Variants in SNRNP27 observed in about 807,000 individuals in gnomAD.
SNRNP27 encodes small nuclear ribonucleoprotein U4/U6.U5 subunit 27.
A neutral mutation model predicts 25.1 loss-of-function variants in SNRNP27; 22 were observed. That is an observed-to-expected ratio of 0.88 (90% CI 0.63 to 1.25). The LOEUF (loss-of-function observed/expected upper bound fraction) is 1.25. SNRNP27 is among the 50% of genes most tolerant of loss of function. SNRNP27 has a pLI of 0.00. For synonymous variants in SNRNP27, 66 were observed against 64.9 expected, an observed-to-expected ratio of 1.02 and a Z score of -0.08; for missense variants, 150 against 202.3, an observed-to-expected ratio of 0.74 and a Z score of 1.57.
At chr2:69,899,039 T>C (rs1377991586) in intron 4 of SNRNP27, among the ~76,000 whole-genome samples, 1 of 152,222 alleles carries the variant, frequency 6.6e-6, no homozygotes, top group Non-Finnish European at 1.5e-5. Flanking sequence ...TTTTTGGTTT[T>C]CCTGTTGCTG....
intron 4 of SNRNP27, among the ~76,000 whole-genome samples, chr2:69,899,279 A>G (rs1260504974): frequency 6.6e-6 from 1 of 152,232 alleles, no homozygotes; most frequent in Non-Finnish European, 1.5e-5. Context: ...GCTATCAGTT[A>G]TAACGTCAGC....
chr2:69,900,648 A>G (rs1676677015), intron 4 of SNRNP27, among the ~76,000 whole-genome samples: 1 of 152,236 alleles, frequency 6.6e-6, no homozygotes, highest in South Asian at 2.1e-4. Context: ...CTACACAGAT[A>G]GGCTAATCTT....
rs1676764569 is a variant in SNRNP27, at chr2:69,904,712, C to T, written c.*404C>T. On this transcript the variant is annotated 3_prime_UTR_variant, in exon 6 of 6. Coordinates refer to ENST00000244227, the MANE Select transcript of SNRNP27 (RefSeq NM_006857.3). ...TTTATTACTAAAGAATCTCCCCAGA[C>T]ATTTTCTTTTTTTTTTCACACATAG... is the stretch of plus-strand genomic sequence containing the variant. The T allele has an allele frequency of 4.4e-6, 1 of 226,928 alleles. No homozygotes were observed. Among genetic ancestry groups the T allele is most frequent in the Non-Finnish European group, 8.5e-6 (1 of 117,930 alleles). 14.1% of individuals were successfully genotyped at this position (226,928 alleles called of 1,614,324 possible). A position where few individuals can be genotyped will look rare whatever the true frequency, so the allele number is the denominator to read the frequency against.
intron 2 of SNRNP27, 88 bp from the exon 3 acceptor site, chr2:69,896,348 T>C: frequency 1.6e-6 from 2 of 1,230,428 alleles, no homozygotes; most frequent in East Asian, 2.3e-5. Flanking sequence ...CTCGTGGTTC[T>C]GTGGAGCTCA....
chr2:69,904,228 CA>C, intron 5 of SNRNP27, 25 bp from the exon 6 acceptor site: 1 of 1,515,814 alleles, frequency 6.6e-7, no homozygotes, highest in South Asian at 1.2e-5. Context: ...TAAAAAAAAA[CA>C]ATGAATTTTC....
chr2:69,904,662 T>C lies in SNRNP27; in HGVS notation c.*354T>C, dbSNP rs532024600. The C allele has an allele frequency of 7.6e-5, 28 of 370,114 alleles. No individual in the cohort carries two copies. The highest frequency in any genetic ancestry group is 4.6e-4 in the African/African-American group (22 of 47,548). The allele number at this position is 370,114 out of a possible 1,614,324, so 22.9% of individuals were successfully genotyped here. On this transcript the variant is annotated 3_prime_UTR_variant, in exon 6 of 6. Coordinates refer to ENST00000244227, the MANE Select transcript of SNRNP27 (RefSeq NM_006857.3). ...AGTTTATCCAATAAAGCAGTATTTCTACCCTTTTAGATTTGATAAATATTT... is the reference window on the plus strand; with the variant it reads ...AGTTTATCCAATAAAGCAGTATTTCCACCCTTTTAGATTTGATAAATATTT...
rs766648206 is a variant in SNRNP27, at chr2:69,904,235, T to G, written c.414-19T>G. ...TATAGGATTAAAAAAAAACAATGAA[T>G]TTTCTCTTCTCATCATAGGCAGTAC... On this transcript the variant is annotated intron_variant, in intron 5 of 5. Transcript: ENST00000244227. The G allele has an allele frequency of 4.5e-6, 7 of 1,561,608 alleles. No individual in the cohort carries two copies. The highest frequency in any genetic ancestry group is 6.1e-6 in the Non-Finnish European group (7 of 1,155,766).
In SNRNP27 at chr2:69,896,423, T is replaced by G; in HGVS notation, c.156-13T>G. On this transcript the variant is annotated splice_polypyrimidine_tract_variant and intron_variant, in intron 2 of 5. Transcript: ENST00000244227. ...GTCTGTCTGTTTCTAACATCTTTGC[T>G]TATAAATATTAGATCTCCAAGACGA... The G allele has an allele frequency of 6.2e-7, 1 of 1,609,770 alleles. No individual in the cohort carries two copies. The highest frequency in any genetic ancestry group is 8.5e-7 in the Non-Finnish European group (1 of 1,177,746).
rs1676770223 is a variant in SNRNP27 at position 69,904,916 on chromosome 2, A to G, written c.*608A>G. ...ATCTCAGAGAAAACAAAAGTAAAAG[A>G]AAAGCAGAAAATCACCTGTTATCTA... On this transcript the variant is annotated 3_prime_UTR_variant, in exon 6 of 6. Transcript: ENST00000244227. 6.6e-6 allele frequency: 1 copy of G among 152,120 alleles called. No individual in the cohort carries two copies. Among genetic ancestry groups the G allele is most frequent in the African/African-American group, 2.4e-5 (1 of 41,384 alleles). The allele number at this position is 152,120 out of a possible 1,614,324, so 9.4% of individuals were successfully genotyped here. A position where few individuals can be genotyped will look rare whatever the true frequency, so the allele number is the denominator to read the frequency against.
chr2:69,902,068 CTG>C (rs1228231791), intron 4 of SNRNP27, among the ~76,000 whole-genome samples: 1 of 152,154 alleles, frequency 6.6e-6, no homozygotes, highest in East Asian at 1.9e-4. Flanking sequence ...AGTACATACA[CTG>C]TGAATGTTTG....
At chr2:69,902,650 TCTGCTTCTTCTG>T (rs777508671) in intron 4 of SNRNP27, among the ~76,000 whole-genome samples, 4 of 149,870 alleles carry the variant, frequency 2.7e-5, no homozygotes, top group Middle Eastern at 3.4e-3. Context: ...TTCTTTTGCT[TCTGCTTCTTCTG>T]CTGCTCCTTC....
chr2:69,897,333 T>G, intron 3 of SNRNP27, 44 bp from the exon 4 acceptor site: 1 of 1,300,536 alleles, frequency 7.7e-7, no homozygotes, highest in Non-Finnish European at 1.1e-6. Context: ...TTTATGTATA[T>G]ATTTGAAATG....
intron 4 of SNRNP27, among the ~76,000 whole-genome samples, chr2:69,901,110 G>A (rs989023442): frequency 5.3e-5 from 8 of 151,718 alleles, no homozygotes; most frequent in African/African-American, 1.9e-4. Context: ...ACAGGCGGAG[G>A]TTGCAGTGAG....
chr2:69,902,938 C>CTTTT lies in SNRNP27; in HGVS notation c.349-224_349-221dup, dbSNP rs761833954. ...TCCTTTCTCCTCCTTTCTTCTTCTT[C>CTTTT]TTTTTTTTTTTTTTTTTTTTTTGAG... is the stretch of plus-strand genomic sequence containing the variant. On this transcript the variant is annotated intron_variant, in intron 4 of 5. Transcript: ENST00000244227. Among the ~76,000 whole-genome samples the CTTTT allele has an allele frequency of 4.0e-3, 368 of 92,368 alleles. 8 individuals are homozygous for CTTTT. Among genetic ancestry groups the CTTTT allele is most frequent in the Middle Eastern group, 0.014 (2 of 148 alleles). The allele number at this position is 92,368 out of a possible 152,430, so 60.6% of individuals were successfully genotyped here.
In SNRNP27 at chr2:69,897,469, T is replaced by C. The variant is rs1415231736; in HGVS notation, c.348+13T>C. The C allele has an allele frequency of 5.7e-6, 9 of 1,569,112 alleles. No homozygotes were observed. Among genetic ancestry groups the C allele is most frequent in the Non-Finnish European group, 7.9e-6 (9 of 1,139,990 alleles). On this transcript the variant is annotated intron_variant, in intron 4 of 5. Transcript: ENST00000244227. ...TGACTCCACAAAAGTAAGTAAAACG[T>C]GCAACATTCTCATTTGAATTAATAT...
At chr2:69,897,691 GA>G (rs1431850582) in intron 4 of SNRNP27, 1 of 436,128 alleles carries the variant, frequency 2.3e-6, no homozygotes, top group Non-Finnish European at 4.1e-6. Flanking sequence ...ATCAGACAAA[GA>G]AGAGGAAGAA....
At position 69,897,402 on chromosome 2, in the gene SNRNP27, G is replaced by C; in HGVS notation, c.294G>C (p.Glu98Asp). Residue 98 changes from glutamate to aspartate, a missense_variant, in exon 4 of 6, where the codon GAG (glutamate) becomes GAC (aspartate). Glu to Asp is a conservative substitution (Grantham distance 45, BLOSUM62 2). Transcript: ENST00000244227. The stretch of plus-strand genomic sequence containing the variant: ...AGGAAGACTTAGAGGGCAAAACAGA[G>C]GAAGAAATAGAAATGATGAAGTTAA... The part of the protein sequence containing the change: ...ITEEDLEGKT[E>D]EEIEMMKLMG... The C allele has an allele frequency of 6.2e-7, 1 of 1,613,280 alleles. No homozygotes were observed. The highest frequency in any genetic ancestry group is 8.5e-7 in the Non-Finnish European group (1 of 1,179,718).
chr2:69,896,546 C>G lies in SNRNP27; in HGVS notation c.266C>G (p.Thr89Ser), dbSNP rs1438576042. Residue 89 changes from threonine (T) to serine (S), a missense_variant and splice_region_variant, in exon 3 of 6, where the codon ACT (threonine) becomes AGT (serine). Coordinates refer to ENST00000244227, the MANE Select transcript of SNRNP27 (RefSeq NM_006857.3). ...ACAAAGAGCAAAGAACGGCAGATTACTGGTAATGTTATTAGATAAATAACT... is the reference window on the plus strand; with the variant it reads ...ACAAAGAGCAAAGAACGGCAGATTAGTGGTAATGTTATTAGATAAATAACT... ...KETKSKERQI[T>S]EEDLEGKTEE... 6.3e-7 allele frequency: 1 copy of G among 1,597,262 alleles called. No individual in the cohort carries two copies. The highest frequency in any genetic ancestry group is 1.1e-5 in the South Asian group (1 of 90,436).
chr2:69,902,439 T>G (rs2104125782), intron 4 of SNRNP27, among the ~76,000 whole-genome samples: 1 of 152,286 alleles, frequency 6.6e-6, no homozygotes, highest in South Asian at 2.1e-4. Flanking sequence ...CTGCTGCTCC[T>G]TCTGCTGCTC....
Sources: gnomAD v4.1 joint callset for allele counts (sites outside exome capture counted in the v4.1 genomes callset) on GRCh38, gnomAD v4.1.1 for gene constraint, MANE v1.5 for transcripts, NCBI Gene and HGNC (gene_info 2026-07-23, HGNC 2026-07-21) for gene names.